CLYBL: variants seen among roughly 807,000 people sequenced by gnomAD.
The protein encoded by CLYBL is citramalyl-CoA lyase, mitochondrial.
In CLYBL, 31 loss-of-function variants were observed where a neutral mutation model predicts 38.9. The ratio of observed to expected loss-of-function variants is 0.80; its 90% CI spans 0.60 to 1.08. CLYBL has a LOEUF of 1.08. Among genes scored for constraint, CLYBL ranks in the 50% least tolerant of loss-of-function variants. The pLI is 0.00. For synonymous variants in CLYBL, 171 were observed against 158.6 expected, an observed-to-expected ratio of 1.08 and a Z score of -0.59; for missense variants, 434 against 411.6, an observed-to-expected ratio of 1.05 and a Z score of -0.47.
At chr13:99,840,230 T>G (rs2051037843) in intron 2 of CLYBL, among the ~76,000 whole-genome samples, 1 of 130,142 alleles carries the variant, frequency 7.7e-6, no homozygotes, top group Non-Finnish European at 1.6e-5. Context: ...ATTCTCCTCC[T>G]GAGCCCTTAC....
intron 2 of CLYBL, among the ~76,000 whole-genome samples, chr13:99,780,826 G>A (rs1270129478): frequency 6.8e-6 from 1 of 146,688 alleles, no homozygotes; most frequent in African/African-American, 2.5e-5. Flanking sequence ...CGATTCTCCT[G>A]CCTCAGCCTC....
At chr13:99,720,265 C>T (rs1012097283) in intron 1 of CLYBL, among the ~76,000 whole-genome samples, 1 of 152,124 alleles carries the variant, frequency 6.6e-6, no homozygotes, top group African/African-American at 2.4e-5. Context: ...TTTCTCTGCT[C>T]TCCTTCTGAT....
At chr13:99,867,518 A>G (rs1264769967) in intron 6 of CLYBL, among the ~76,000 whole-genome samples, 1 of 152,142 alleles carries the variant, frequency 6.6e-6, no homozygotes, top group Non-Finnish European at 1.5e-5. Flanking sequence ...AATTTTTTAA[A>G]TAAGTGTGAT....
At chr13:99,710,425 T>C (rs1470587913) in intron 1 of CLYBL, among the ~76,000 whole-genome samples, 1 of 152,160 alleles carries the variant, frequency 6.6e-6, no homozygotes, top group African/African-American at 2.4e-5. Flanking sequence ...GCTGGGGGAA[T>C]AATAAAGCTC....
chr13:99,751,298 G>A lies in CLYBL; in HGVS notation c.63-21526G>A, dbSNP rs142599921. Reference sequence around the variant, plus strand: ...TGTAATGGTGTGATCCCGGCGCACTGCAATCTCTGCCTCTCGGGTTCAAGT... The same window carrying A: ...TGTAATGGTGTGATCCCGGCGCACTACAATCTCTGCCTCTCGGGTTCAAGT... On this transcript the variant is annotated intron_variant, in intron 1 of 8. Coordinates refer to ENST00000339105, the MANE Select transcript of CLYBL (RefSeq NM_206808.5). Among the ~76,000 whole-genome samples the A allele has an allele frequency of 2.7e-3, 405 of 152,046 alleles. 11 individuals are homozygous for A. The East Asian group carries it at 0.048, about 18-fold the overall frequency.
chr13:99,861,649 GA>G (rs1014005270), intron 3 of CLYBL, among the ~76,000 whole-genome samples: 1 of 152,206 alleles, frequency 6.6e-6, no homozygotes, highest in African/African-American at 2.4e-5. Flanking sequence ...AGGTGATGAT[GA>G]TGCCCTTTGA....
At chr13:99,656,447 G>GATC (rs1268257684) in intron 1 of CLYBL, among the ~76,000 whole-genome samples, 1 of 152,152 alleles carries the variant, frequency 6.6e-6, no homozygotes, top group Non-Finnish European at 1.5e-5. Flanking sequence ...TCTACAGATA[G>GATC]GTATATATAT....
intron 1 of CLYBL, among the ~76,000 whole-genome samples, chr13:99,653,021 G>A (rs1275461852): frequency 6.6e-6 from 1 of 152,210 alleles, no homozygotes; most frequent in East Asian, 1.9e-4. Flanking sequence ...TTGCACGTGT[G>A]TGGTAGCAGG....
At position 99,702,818 on chromosome 13, in the gene CLYBL, A is replaced by T. The variant is rs535291205; in HGVS notation, c.63-70006A>T. On this transcript the variant is annotated intron_variant, in intron 1 of 8. Coordinates refer to ENST00000339105, the MANE Select transcript of CLYBL (RefSeq NM_206808.5). ...CATCTCCTTTACTGTGGTCACCTGC[A>T]CATGCCTTTAGTTCTTCTGGATTTA... Among the ~76,000 whole-genome samples the T allele has an allele frequency of 2.0e-5, 3 of 152,276 alleles. No individual in the cohort carries two copies. The South Asian group carries it at 6.2e-4, about 32-fold the overall frequency.
chr13:99,787,341 T>G (rs1037790639), intron 2 of CLYBL, among the ~76,000 whole-genome samples: 6 of 152,242 alleles, frequency 3.9e-5, no homozygotes, highest in African/African-American at 9.6e-5. Flanking sequence ...AGGTCTAACA[T>G]TTAAGTCTTT....
At chr13:99,704,457 C>A (rs1382920783) in intron 1 of CLYBL, among the ~76,000 whole-genome samples, 2 of 152,228 alleles carry the variant, frequency 1.3e-5, no homozygotes, top group East Asian at 1.9e-4. Context: ...TCCTGTAAAC[C>A]TAAATCATGA....
chr13:99,835,253 T>C (rs1442011505), intron 2 of CLYBL, among the ~76,000 whole-genome samples: 1 of 152,156 alleles, frequency 6.6e-6, no homozygotes, highest in Non-Finnish European at 1.5e-5. Context: ...TCAAACCAAA[T>C]GAAGTTTATT....
intron 5 of CLYBL, 76 bp from the exon 6 acceptor site, chr13:99,866,164 T>G: frequency 7.2e-7 from 1 of 1,390,296 alleles, no homozygotes; most frequent in South Asian, 1.2e-5. Context: ...CTGTACAAAC[T>G]GAGGTTTTAT....
intron 1 of CLYBL, among the ~76,000 whole-genome samples, chr13:99,728,289 T>C (rs1306260256): frequency 6.8e-6 from 1 of 146,308 alleles, no homozygotes; most frequent in Non-Finnish European, 1.5e-5. Flanking sequence ...TCTTTTTTTT[T>C]TTTTTTTGAG....
chr13:99,654,679 C>T (rs1003942589), intron 1 of CLYBL, among the ~76,000 whole-genome samples: 2 of 152,190 alleles, frequency 1.3e-5, no homozygotes, highest in Admixed American at 1.3e-4. Flanking sequence ...AAAGGTAAGT[C>T]ACAGTCTTTA....
chr13:99,649,561 A>G (rs751718980), intron 1 of CLYBL, among the ~76,000 whole-genome samples: 1 of 152,234 alleles, frequency 6.6e-6, no homozygotes, highest in East Asian at 1.9e-4. Flanking sequence ...TGGAGGACTT[A>G]TGTGTTAAAT....
chr13:99,704,276 A>G (rs907794822), intron 1 of CLYBL, among the ~76,000 whole-genome samples: 20 of 152,034 alleles, frequency 1.3e-4, no homozygotes, highest in Non-Finnish European at 2.4e-4. Flanking sequence ...TGATGGTTTC[A>G]TTTTCTTTGT....
intron 1 of CLYBL, among the ~76,000 whole-genome samples, chr13:99,736,216 TGTATTTTTA>T (rs1388294504): frequency 3.3e-5 from 5 of 151,962 alleles, no homozygotes; most frequent in Admixed American, 1.3e-4. Context: ...AGCTAATTTT[TGTATTTTTA>T]GTAGAGATGG....
At position 99,703,125 on chromosome 13, in the gene CLYBL, A is replaced by G. The variant is rs187223344; in HGVS notation, c.63-69699A>G. ...ATTATGCAAACAGGACTAGCTCTGT[A>G]TTTATTCTTTTATGTTGTGGCTTGC... On this transcript the variant is annotated intron_variant, in intron 1 of 8. Coordinates refer to ENST00000339105, the MANE Select transcript of CLYBL (RefSeq NM_206808.5). Among the ~76,000 whole-genome samples, 308 of 152,278 alleles carry G rather than the reference A, an allele frequency of 2.0e-3. 1 individual carries two copies. Among genetic ancestry groups the G allele is most frequent in the Non-Finnish European group, 3.8e-3 (260 of 68,020 alleles).
Sources: allele counts gnomAD v4.1 joint callset (sites outside exome capture counted in the v4.1 genomes callset), GRCh38; gene constraint gnomAD v4.1.1; transcripts MANE v1.5; gene names NCBI Gene and HGNC (gene_info 2026-07-23, HGNC 2026-07-21).